ATAD2B: variants seen among roughly 807,000 people sequenced by gnomAD.
ATAD2B encodes the protein ATPase family AAA domain-containing protein 2B.
In ATAD2B, 40 loss-of-function variants were observed where a neutral mutation model predicts 167.6. The ratio of observed to expected loss-of-function variants is 0.24; its 90% CI spans 0.19 to 0.31. ATAD2B has a LOEUF of 0.31. ATAD2B is among the 10% of genes least tolerant of loss of function. The pLI, the probability that ATAD2B is intolerant of heterozygous loss-of-function variation, is 1.00. For missense variants in ATAD2B, 1,242 were observed against 1,757.2 expected (o/e 0.71, Z 5.24); for synonymous variants, 579 against 596.5 (o/e 0.97, Z 0.43).
chr2:23,745,310 A>C (rs1364509397), downstream of ATAD2B, among the ~76,000 whole-genome samples: 3 of 151,376 alleles, frequency 2.0e-5, no homozygotes, highest in Admixed American at 6.6e-5. Flanking sequence ...CGCACGCAAG[A>C]AAGAAAGCAA....
chr2:23,818,332 C>G (rs1686899981), intron 17 of ATAD2B, among the ~76,000 whole-genome samples: 1 of 124,584 alleles, frequency 8.0e-6, no homozygotes, highest in Non-Finnish European at 1.6e-5. Context: ...GACAGAGAGA[C>G]ACAGACGCAC....
the ATAD2B span, chr2:23,688,706 C>T: frequency 6.6e-6 from 1 of 152,226 alleles, no homozygotes; most frequent in African/African-American, 2.4e-5. Flanking sequence ...ATACCCCACC[C>T]CCCTGCGTCA....
intron 4 of ATAD2B, 104 bp downstream of exon 4, chr2:23,887,728 A>T: frequency 1.9e-6 from 2 of 1,041,988 alleles, no homozygotes; most frequent in African/African-American, 1.7e-5. Flanking sequence ...GTTTTTAAAG[A>T]ACTGTATTGA....
At chr2:23,761,466 T>C (rs1676730449) in intron 24 of ATAD2B, among the ~76,000 whole-genome samples, 1 of 152,144 alleles carries the variant, frequency 6.6e-6, no homozygotes, top group African/African-American at 2.4e-5. Flanking sequence ...GTAAGTACAA[T>C]GCAAATATTC....
Position 23,783,003 on chromosome 2 carries a change from T to C in ATAD2B, c.2999A>G (p.Lys1000Arg). 1 of 1,551,008 alleles carries C rather than the reference T, an allele frequency of 6.4e-7. No homozygotes were observed. The highest frequency in any genetic ancestry group is 8.9e-7 in the Non-Finnish European group (1 of 1,128,846). Residue 1000 changes from lysine to arginine, a missense_variant, in exon 22 of 28, where the codon AAG becomes AGG. Lys to Arg is a conservative substitution (Grantham distance 26, BLOSUM62 2). Coordinates refer to ENST00000238789, the MANE Select transcript of ATAD2B (RefSeq NM_017552.4). The stretch of plus-strand genomic sequence containing the variant: ...TACTGTTGATAAGTCCATTGGTTCC[T>C]TGATTACTTCAAGATAATCTGAAAC... ...EEVSDYLEVI[K>R]EPMDLSTVIT...
At chr2:23,805,805 A>AAAAAC (rs1291712940) in intron 18 of ATAD2B, among the ~76,000 whole-genome samples, 2 of 132,150 alleles carry the variant, frequency 1.5e-5, no homozygotes, top group Non-Finnish European at 3.3e-5. Context: ...TAAAAAAAAA[A>AAAAAC]AAACAAATCT....
chr2:23,883,306 C>G (rs1017828351), intron 6 of ATAD2B, among the ~76,000 whole-genome samples: 9 of 146,698 alleles, frequency 6.1e-5, no homozygotes, highest in African/African-American at 2.0e-4. Context: ...AAAAACCTGC[C>G]AAGGACTTTA....
At chr2:23,727,545 C>A in the ATAD2B span, among the ~76,000 whole-genome samples, 1 of 152,126 alleles carries the variant, frequency 6.6e-6, no homozygotes, top group South Asian at 2.1e-4. Context: ...AATAATCCAG[C>A]AATCATTATT....
At chr2:23,833,051 T>C (rs1689314870) in intron 14 of ATAD2B, among the ~76,000 whole-genome samples, 1 of 152,208 alleles carries the variant, frequency 6.6e-6, no homozygotes, top group African/African-American at 2.4e-5. Context: ...CTGGTGCCAA[T>C]TTAAAGCCTG....
chr2:23,888,590 A>C (rs889403987), intron 2 of ATAD2B, among the ~76,000 whole-genome samples, 191 bp from the exon 3 acceptor site: 3 of 152,156 alleles, frequency 2.0e-5, no homozygotes. Flanking sequence ...TCATTACTTC[A>C]AGAAAAGCTT....
intron 7 of ATAD2B, among the ~76,000 whole-genome samples, chr2:23,877,086 A>G (rs2150162284): frequency 1.4e-5 from 2 of 144,742 alleles, no homozygotes; most frequent in South Asian, 4.4e-4. Context: ...AAAAAAAAAG[A>G]AAGAAAGAAA....
the ATAD2B span, chr2:23,689,822 C>T: frequency 2.0e-5 from 3 of 152,370 alleles, no homozygotes; most frequent in East Asian, 5.8e-4. Flanking sequence ...TTTAAGTGAT[C>T]ACGTAGTGAA....
chr2:23,847,723 A>G (rs1050382113), intron 13 of ATAD2B, among the ~76,000 whole-genome samples: 17 of 151,672 alleles, frequency 1.1e-4, no homozygotes, highest in Non-Finnish European at 2.5e-4. Flanking sequence ...GTGGTAGCTC[A>G]TGCCTGTAAT....
the ATAD2B span, chr2:23,691,632 C>T: frequency 2.0e-6 from 3 of 1,523,252 alleles, no homozygotes; most frequent in Non-Finnish European, 2.7e-6. Flanking sequence ...GGCACGGTGG[C>T]CGCAGGGCAG....
Position 23,926,536 on chromosome 2 carries a change from C to G in ATAD2B, c.216+19G>C. ...GCCGGCACTTCCGAGCCTCCGGACT[C>G]GGGACGCCGCGCTCTTACCCTGGCC... On this transcript the variant is annotated intron_variant, in intron 1 of 27. Transcript: ENST00000238789. 6.5e-7 allele frequency: 1 copy of G among 1,538,008 alleles called. No individual in the cohort carries two copies. The highest frequency in any genetic ancestry group is 1.2e-5 in the South Asian group (1 of 83,660).
At chr2:23,760,690 T>C (rs1193407226) in intron 24 of ATAD2B, among the ~76,000 whole-genome samples, 1 of 118,298 alleles carries the variant, frequency 8.5e-6, no homozygotes. Context: ...ATAAATAAAT[T>C]TATATATATA....
Position 23,875,875 on chromosome 2 carries a change from T to A in ATAD2B, c.931A>T (p.Thr311Ser), listed in dbSNP as rs372074292. ...VPAHQKKREN[T>S]LFDIHRSPAR... ...GGAGATCTATGAATATCAAACAGCG[T>A]GTTTTCCCTCTTTTTTTGATGAGCT... is the stretch of plus-strand genomic sequence containing the variant. Residue 311 changes from threonine (T) to serine (S), a missense_variant, in exon 8 of 28, where the codon ACG (threonine) becomes TCG (serine). Physicochemically the swap from Thr to Ser is moderately conservative, Grantham distance 58 (BLOSUM62 1). Coordinates refer to ENST00000238789, the MANE Select transcript of ATAD2B (RefSeq NM_017552.4). The A allele has an allele frequency of 1.2e-4, 197 of 1,610,232 alleles. No homozygotes were observed. Among genetic ancestry groups the A allele is most frequent in the Non-Finnish European group, 1.6e-4 (187 of 1,178,000 alleles).
chr2:23,771,561 G>C (rs72780118), intron 22 of ATAD2B, among the ~76,000 whole-genome samples: 2 of 152,092 alleles, frequency 1.3e-5, no homozygotes, highest in Non-Finnish European at 2.9e-5. Context: ...CTGGTTTAGA[G>C]CATCTACTTT....
At chr2:23,698,654 TATATC>T in the ATAD2B span, among the ~76,000 whole-genome samples, 2 of 152,340 alleles carry the variant, frequency 1.3e-5, no homozygotes, top group African/African-American at 2.4e-5. Context: ...AAACCTGTAT[TATATC>T]ATTATATAAA....
Sources: gnomAD v4.1 joint callset for allele counts (sites outside exome capture counted in the v4.1 genomes callset) on GRCh38, gnomAD v4.1.1 for gene constraint, MANE v1.5 for transcripts, NCBI Gene and HGNC (gene_info 2026-07-23, HGNC 2026-07-21) for gene names.